Variants in FHAD1 observed in about 807,000 individuals in gnomAD.
FHAD1 encodes the protein forkhead-associated domain-containing protein 1.
FHAD1 carries 146 observed loss-of-function variants against 191.3 expected under a neutral mutation model. The observed-to-expected ratio is 0.76, with a 90% confidence interval of 0.67 to 0.88. The LOEUF (loss-of-function observed/expected upper bound fraction) is 0.88. Ranked by LOEUF, FHAD1 falls within the 40% of genes least tolerant of loss-of-function variation. The pLI, the probability that FHAD1 is intolerant of heterozygous loss-of-function variation, is 0.00. For synonymous variants in FHAD1, 616 were observed against 672.3 expected (o/e 0.92, Z 1.29); for missense variants, 1,635 against 1,785.8 (o/e 0.92, Z 1.52).
In FHAD1 at chr1:15,380,804, C is replaced by T. The variant is rs1001555129; in HGVS notation, c.3801+8C>T. 5 of 1,549,784 alleles carry T rather than the reference C, an allele frequency of 3.2e-6. No homozygotes were observed. The Admixed American group carries it at 7.8e-5, about 24-fold the overall frequency. The stretch of plus-strand genomic sequence containing the variant: ...GAGCTCAGTGAAAAGCTGGTATGTA[C>T]ATCCAGCATCCACCCTGCTCCTATC... On this transcript the variant is annotated splice_region_variant and intron_variant, in intron 29 of 33. Coordinates refer to ENST00000688493, the MANE Select transcript of FHAD1 (RefSeq NM_001391957.1).
downstream of FHAD1, among the ~76,000 whole-genome samples, chr1:15,399,270 C>T (rs1372633807): frequency 1.3e-5 from 2 of 152,090 alleles, no homozygotes; most frequent in East Asian, 3.8e-4. Flanking sequence ...TGGTTAGGAC[C>T]TAAAGCCAGT....
intron 10 of FHAD1, among the ~76,000 whole-genome samples, chr1:15,321,968 T>G (rs1436413625): frequency 1.3e-5 from 2 of 152,274 alleles, no homozygotes; most frequent in African/African-American, 4.8e-5. Flanking sequence ...CATTCCATTG[T>G]GTTTTGGCTT....
intron 14 of FHAD1, among the ~76,000 whole-genome samples, chr1:15,332,186 C>T (rs941461180): frequency 4.6e-5 from 7 of 152,212 alleles, no homozygotes; most frequent in African/African-American, 9.6e-5. Flanking sequence ...TAGCAGAGAG[C>T]GTTACTGTTC....
chr1:15,337,553 T>C (rs1000090748), intron 14 of FHAD1, among the ~76,000 whole-genome samples: 1 of 152,090 alleles, frequency 6.6e-6, no homozygotes, highest in Non-Finnish European at 1.5e-5. Flanking sequence ...TTGTCAAAAC[T>C]GGGGTGGGGT....
chr1:15,369,712 A>T (rs1697545059), intron 26 of FHAD1, among the ~76,000 whole-genome samples: 1 of 152,196 alleles, frequency 6.6e-6, no homozygotes, highest in South Asian at 2.1e-4. Context: ...ATGCCATGAG[A>T]TCTTTCCCTC....
chr1:15,305,729 GCTT>G (rs1408599564), intron 6 of FHAD1: 1 of 443,040 alleles, frequency 2.3e-6, no homozygotes, highest in East Asian at 7.7e-5. Context: ...TTCCGCTTTT[GCTT>G]CTTCCGCATT....
At chr1:15,248,340 G>C (rs1028022417) in intron 1 of FHAD1, among the ~76,000 whole-genome samples, 14 of 152,066 alleles carry the variant, frequency 9.2e-5, no homozygotes, top group Admixed American at 6.6e-5. Flanking sequence ...GAAGACCAGA[G>C]ACTCCAGGAC....
chr1:15,281,914 A>G (rs1660752594), intron 3 of FHAD1, among the ~76,000 whole-genome samples: 2 of 152,038 alleles, frequency 1.3e-5, no homozygotes, highest in African/African-American at 4.8e-5. Context: ...TCATTCATGT[A>G]TCTATATCAG....
At chr1:15,356,531 A>G (rs1692859511) in intron 20 of FHAD1, among the ~76,000 whole-genome samples, 1 of 152,164 alleles carries the variant, frequency 6.6e-6, no homozygotes, top group East Asian at 1.9e-4. Context: ...ACACAGCCAC[A>G]TTCCTCTCGA....
At chr1:15,277,605 C>T (rs1338754176) in intron 3 of FHAD1, among the ~76,000 whole-genome samples, 2 of 152,312 alleles carry the variant, frequency 1.3e-5, no homozygotes, top group African/African-American at 2.4e-5. Context: ...CAGAGCACCT[C>T]GGTCACCTGA....
Position 15,388,091 on chromosome 1 carries a change from C to A in FHAD1, c.4229C>A (p.Ser1410Ter). The A allele has an allele frequency of 7.8e-7, 1 of 1,289,868 alleles. No homozygotes were observed. The highest frequency in any genetic ancestry group is 1.0e-6 in the Non-Finnish European group (1 of 988,862). 79.9% of individuals were successfully genotyped at this position (1,289,868 alleles called of 1,614,324 possible). ...CACGAACTGAGAAACGCAAAAGAATCGACACCTTGCAACTGTGCCTTCAAA... is the reference window on the plus strand; with the variant it reads ...CACGAACTGAGAAACGCAAAAGAATAGACACCTTGCAACTGTGCCTTCAAA... Reference protein sequence around the residue: ...EEHELRNAKESTPCNCAFKEK... With the variant: ...EEHELRNAKE The change falls in exon 32 of 34, where the codon TCG becomes TAG. Residue 1410 changes from serine to a stop codon, truncating the protein, a stop_gained. Transcript: ENST00000688493. LOFTEE classifies it high-confidence loss of function.
At chr1:15,292,388 C>T (rs770778121) in intron 4 of FHAD1, among the ~76,000 whole-genome samples, 15 of 152,164 alleles carry the variant, frequency 9.9e-5, no homozygotes, top group Non-Finnish European at 2.1e-4. Flanking sequence ...GGCTGGAGTG[C>T]AGTGGCACGA....
rs574694413 is a variant in FHAD1 at position 15,289,485 on chromosome 1, A to G, written c.387A>G (p.Pro129=). Residue 129 remains proline, a synonymous_variant, in exon 4 of 34, where the codon CCA becomes CCG. Transcript: ENST00000688493. The surrounding 1 kb of genome is among the most constrained non-coding windows in gnomAD (Gnocchi z 4.2). ...CACAGCAGCCAAACCAGGCCCCCCC[A>G]CCATCACATATCCCCTTCCACCAAG... is the stretch of plus-strand genomic sequence containing the variant. The part of the protein sequence containing the change: ...RATQQPNQAP[P]PSHIPFHQGV... 5.8e-6 allele frequency: 9 copies of G among 1,551,738 alleles called. No homozygotes were observed. Among genetic ancestry groups the G allele is most frequent in the African/African-American group, 1.4e-5 (1 of 73,128 alleles).
At chr1:15,290,586 C>T (rs1664243277) in intron 4 of FHAD1, among the ~76,000 whole-genome samples, 1 of 152,152 alleles carries the variant, frequency 6.6e-6, no homozygotes, top group Non-Finnish European at 1.5e-5. Flanking sequence ...GGCCATGTGT[C>T]TCCACGGTTT....
In FHAD1 at chr1:15,387,074, G is replaced by A. The variant is rs559181862; in HGVS notation, c.4189-977G>A. ...TAGAGAGTAATCTTTGTATTTTTTA[G>A]TAGAGAGTTTTACCATGTTGCCCAG... On this transcript the variant is annotated intron_variant, in intron 31 of 33. Transcript: ENST00000688493. Among the ~76,000 whole-genome samples, 12 of 151,854 alleles carry A rather than the reference G, an allele frequency of 7.9e-5. 1 individual carries two copies. Among genetic ancestry groups the A allele is most frequent in the African/African-American group, 2.2e-4 (9 of 41,442 alleles).
At chr1:15,391,140 A>G (rs1013350322) in intron 32 of FHAD1, 70 bp from the exon 33 acceptor site, 1 of 912,810 alleles carries the variant, frequency 1.1e-6, no homozygotes, top group East Asian at 7.7e-5. Context: ...AGAAAAATCC[A>G]TTTTTCTTTG....
At chr1:15,394,403 A>C (rs12562848) in intron 33 of FHAD1, among the ~76,000 whole-genome samples, 15,034 of 152,224 alleles carry the variant, frequency 0.099, 940 homozygotes, top group South Asian at 0.22. Flanking sequence ...AGGAATATAA[A>C]GTAAGGGTTG....
intron 31 of FHAD1, among the ~76,000 whole-genome samples, chr1:15,387,422 G>A (rs57862684): frequency 0.12 from 17,632 of 152,156 alleles, 1,176 homozygotes; most frequent in Middle Eastern, 0.2. Context: ...TGTGGCTAGA[G>A]TGGTGCAGTG....
chr1:15,378,288 AAAAAG>A (rs764600228), intron 28 of FHAD1, among the ~76,000 whole-genome samples: 6 of 152,228 alleles, frequency 3.9e-5, no homozygotes, highest in East Asian at 1.9e-4. Context: ...CCGTCAAAAA[AAAAAG>A]AAAAGAAGAG....
Sources: gnomAD v4.1 joint callset for allele counts (sites outside exome capture counted in the v4.1 genomes callset) on GRCh38, gnomAD v4.1.1 for gene constraint, Gnocchi (gnomAD v3.1) non-coding constraint, MANE v1.5 for transcripts, NCBI Gene and HGNC (gene_info 2026-07-23, HGNC 2026-07-21) for gene names.